The following TMEM117 variants were observed in gnomAD, a reference collection of about 807,000 sequenced individuals.
TMEM117 encodes the protein transmembrane protein 117.
TMEM117 carries 27 observed loss-of-function variants against 52.4 expected under a neutral mutation model. The ratio of observed to expected loss-of-function variants is 0.51; its 90% CI spans 0.38 to 0.71. The LOEUF (loss-of-function observed/expected upper bound fraction) is 0.71, where lower values mean the gene tolerates loss of function less well. TMEM117 is among the 30% of genes least tolerant of loss of function. TMEM117 has a pLI of 0.00. For synonymous variants in TMEM117, 215 were observed against 206.3 expected (o/e 1.04, Z -0.36); for missense variants, 556 against 630.5 (o/e 0.88, Z 1.26).
At chr12:43,880,264 G>T (rs564369408) in intron 2 of TMEM117, among the ~76,000 whole-genome samples, 2 of 152,068 alleles carry the variant, frequency 1.3e-5, no homozygotes, top group East Asian at 3.9e-4. Context: ...GGTGGCTTTT[G>T]CTTTTTTATT....
intron 2 of TMEM117, among the ~76,000 whole-genome samples, chr12:43,878,400 C>T (rs961600939): frequency 1.3e-5 from 2 of 152,148 alleles, no homozygotes; most frequent in Non-Finnish European, 2.9e-5. Flanking sequence ...AGCTTACATC[C>T]TGGTCTGGTT....
chr12:44,111,824 A>G (rs985531845), intron 3 of TMEM117, among the ~76,000 whole-genome samples: 4 of 135,118 alleles, frequency 3.0e-5, no homozygotes, highest in East Asian at 2.1e-4. Context: ...GTCTCCCATT[A>G]TTAATGTGTG....
chr12:43,804,294 T>C, the TMEM117 span: 4 of 570,370 alleles, frequency 7.0e-6, no homozygotes, highest in Non-Finnish European at 1.3e-5. Flanking sequence ...CATCTTTCTG[T>C]TTCCCTGATA....
intron 5 of TMEM117, among the ~76,000 whole-genome samples, chr12:44,298,304 AACGGAT>A (rs1367339355): frequency 6.6e-6 from 1 of 150,804 alleles, no homozygotes; most frequent in African/African-American, 2.5e-5. Flanking sequence ...TAATTGCCAA[AACGGAT>A]ATGTGTTCTA....
At chr12:44,137,826 TC>T (rs1430750850) in intron 3 of TMEM117, among the ~76,000 whole-genome samples, 1 of 152,116 alleles carries the variant, frequency 6.6e-6, no homozygotes, top group Non-Finnish European at 1.5e-5. Context: ...GAAGTTACAA[TC>T]CAAGATGAGA....
chr12:44,129,096 T>A (rs1003640808), intron 3 of TMEM117, among the ~76,000 whole-genome samples: 1 of 152,184 alleles, frequency 6.6e-6, no homozygotes, highest in African/African-American at 2.4e-5. Flanking sequence ...CCTGCATAGT[T>A]CCACAGACTT....
At chr12:43,964,089 G>A (rs932642349) in intron 3 of TMEM117, among the ~76,000 whole-genome samples, 9 of 152,160 alleles carry the variant, frequency 5.9e-5, no homozygotes, top group Admixed American at 2.0e-4. Context: ...TTCATTGTGA[G>A]TCAGCTGGAG....
rs186166697 is a variant in TMEM117 at position 44,253,129 on chromosome 12, T to C, written c.608+41742T>C. On this transcript the variant is annotated intron_variant, in intron 5 of 7. Transcript: ENST00000266534. ...TGTTTCTAACATTATCTTTCTACTT[T>C]ATGTGTAATCACCTGTCAAAACACA... 1.0e-3 allele frequency among the ~76,000 whole-genome samples: 153 copies of C among 152,352 alleles called. 1 individual carries two copies. Among genetic ancestry groups the C allele is most frequent in the African/African-American group, 3.2e-3 (134 of 41,592 alleles).
Position 43,927,998 on chromosome 12 carries a change from G to A in TMEM117, c.278-16212G>A, listed in dbSNP as rs140033427. On this transcript the variant is annotated intron_variant, in intron 2 of 7. Coordinates refer to ENST00000266534, the MANE Select transcript of TMEM117 (RefSeq NM_032256.3). Reference sequence around the variant, plus strand: ...TTTTTTCCCTTTTTTTTTGCACAGAGTGAATTTTGTTTATTCTTTTTCTCT... The same window carrying A: ...TTTTTTCCCTTTTTTTTTGCACAGAATGAATTTTGTTTATTCTTTTTCTCT... Among the ~76,000 whole-genome samples the A allele has an allele frequency of 5.0e-3, 750 of 151,508 alleles. 5 individuals carry two copies. Among genetic ancestry groups the A allele is most frequent in the African/African-American group, 0.017 (723 of 41,388 alleles).
In TMEM117 at chr12:44,089,632, C is replaced by T. The variant is rs559887462; in HGVS notation, c.411-53893C>T. Among the ~76,000 whole-genome samples the T allele has an allele frequency of 1.1e-4, 17 of 152,226 alleles. No homozygotes were observed. In the East Asian group the frequency reaches 3.3e-3, roughly 29 times the overall value. ...AGCGTAAGAGAGTCACATGAGAATA[C>T]ACTTATCATGAATCTATAATTCTCC... On this transcript the variant is annotated intron_variant, in intron 3 of 7. Coordinates refer to ENST00000266534, the MANE Select transcript of TMEM117 (RefSeq NM_032256.3).
At chr12:44,320,128 A>C (rs1418131802) in intron 6 of TMEM117, among the ~76,000 whole-genome samples, 1 of 152,232 alleles carries the variant, frequency 6.6e-6, no homozygotes, top group African/African-American at 2.4e-5. Flanking sequence ...GTCTAAAACC[A>C]AGCTATCATC....
intron 2 of TMEM117, among the ~76,000 whole-genome samples, chr12:43,916,475 A>T (rs1462838982): frequency 1.3e-5 from 2 of 152,192 alleles, no homozygotes; most frequent in South Asian, 2.1e-4. Context: ...CCCCATCTAG[A>T]TTATTAAATA....
chr12:43,928,523 T>C (rs1592370479), intron 2 of TMEM117, among the ~76,000 whole-genome samples: 1 of 152,124 alleles, frequency 6.6e-6, no homozygotes, highest in African/African-American at 2.4e-5. Context: ...ATTTAGTCCA[T>C]TTGTACTTAC....
At chr12:43,819,411 A>G in the TMEM117 span, among the ~76,000 whole-genome samples, 2 of 152,122 alleles carry the variant, frequency 1.3e-5, no homozygotes, top group African/African-American at 4.8e-5. Context: ...CCCTTATGGT[A>G]TTTCAGAAGA....
At chr12:43,805,463 C>CTCG in the TMEM117 span, 1 of 444,962 alleles carries the variant, frequency 2.2e-6, no homozygotes, top group Non-Finnish European at 4.5e-6. Flanking sequence ...TACACTAGAA[C>CTCG]TCGTTAAGTG....
intron 3 of TMEM117, among the ~76,000 whole-genome samples, chr12:43,979,473 A>G (rs943067418): frequency 9.9e-5 from 15 of 152,184 alleles, no homozygotes; most frequent in Admixed American, 2.0e-4. Context: ...AGTACTTTCC[A>G]ATGAAATTGG....
chr12:44,118,563 T>C (rs1592532590), intron 3 of TMEM117, among the ~76,000 whole-genome samples: 1 of 152,324 alleles, frequency 6.6e-6, no homozygotes, highest in South Asian at 2.1e-4. Flanking sequence ...GATATTACTA[T>C]GTTTATTAGA....
At chr12:43,893,367 T>C (rs1944142001) in intron 2 of TMEM117, among the ~76,000 whole-genome samples, 1 of 152,168 alleles carries the variant, frequency 6.6e-6, no homozygotes, top group African/African-American at 2.4e-5. Context: ...GGCGAGGATA[T>C]TATGACACTT....
At chr12:43,864,548 A>T (rs1333001973) in intron 2 of TMEM117, among the ~76,000 whole-genome samples, 1 of 152,100 alleles carries the variant, frequency 6.6e-6, no homozygotes, top group Non-Finnish European at 1.5e-5. Flanking sequence ...TACACCAATC[A>T]GCACTCTGTG....
Sources: gnomAD v4.1 joint callset for allele counts (sites outside exome capture counted in the v4.1 genomes callset) on GRCh38, gnomAD v4.1.1 for gene constraint, MANE v1.5 for transcripts, NCBI Gene and HGNC (gene_info 2026-07-23, HGNC 2026-07-21) for gene names.